LRBA: variants seen among roughly 807,000 people sequenced by gnomAD.
LRBA encodes the protein LPS responsive beige-like anchor protein, also known as lipopolysaccharide-responsive and beige-like anchor protein.
A neutral mutation model predicts 330.0 loss-of-function variants in LRBA; 176 were observed. That is an observed-to-expected ratio of 0.53 (90% CI 0.47 to 0.60). The LOEUF (loss-of-function observed/expected upper bound fraction) is 0.60, where lower values mean the gene tolerates loss of function less well. Among genes scored for constraint, LRBA ranks in the 20% least tolerant of loss-of-function variants. The pLI, the probability that LRBA is intolerant of heterozygous loss-of-function variation, is 0.00. For missense variants in LRBA, 3,259 were observed against 3,444.8 expected, an observed-to-expected ratio of 0.95 and a Z score of 1.35; for synonymous variants, 1,230 against 1,193.0, an observed-to-expected ratio of 1.03 and a Z score of -0.64.
rs57854219 is a variant in LRBA at position 150,862,989 on chromosome 4, G to GACACAC, written c.2766+4676_2766+4681dup. Reference sequence around the variant, plus strand: ...GCAAGACTCTGTCTCATTTAAAAAAGACACACACACACACACACACACATT... The same window carrying GACACAC: ...GCAAGACTCTGTCTCATTTAAAAAAGACACACACACACACACACACACACACACATT... On this transcript the variant is annotated intron_variant, in intron 22 of 56. Transcript: ENST00000651943. Among the ~76,000 whole-genome samples the GACACAC allele has an allele frequency of 1.2e-3, 181 of 148,734 alleles. 1 individual carries two copies. The highest frequency in any genetic ancestry group is 7.0e-3 in the Middle Eastern group (2 of 286).
At chr4:150,396,511 T>G (rs995567613) in intron 47 of LRBA, among the ~76,000 whole-genome samples, 18 of 92,586 alleles carry the variant, frequency 1.9e-4, no homozygotes, top group African/African-American at 6.0e-4. Flanking sequence ...CACACACACG[T>G]ACTCCCAGAA....
In LRBA at chr4:150,588,480, T is replaced by C. The variant is rs150127437; in HGVS notation, c.6194-296A>G. Reference sequence around the variant, plus strand: ...CTAATCTCTAGGTAAGAAGTGGCTCTGCCTAAATAAGTCCATCCACATTCC... The same window carrying C: ...CTAATCTCTAGGTAAGAAGTGGCTCCGCCTAAATAAGTCCATCCACATTCC... On this transcript the variant is annotated intron_variant, in intron 39 of 56. Coordinates refer to ENST00000651943, the MANE Select transcript of LRBA (RefSeq NM_001364905.1). 7.2e-4 allele frequency among the ~76,000 whole-genome samples: 110 copies of C among 152,326 alleles called. 2 individuals are homozygous for C. In the East Asian group the frequency reaches 0.021, roughly 29 times the overall value.
At position 150,916,653 on chromosome 4, in the gene LRBA, T is replaced by G; in HGVS notation, c.731A>C (p.Asn244Thr). 6.2e-7 allele frequency: 1 copy of G among 1,600,866 alleles called. No homozygotes were observed. Among genetic ancestry groups the G allele is most frequent in the Non-Finnish European group, 8.5e-7 (1 of 1,174,586 alleles). The part of the protein sequence containing the change: ...HTWLRMDPVN[N>T]INVDKDKPYL... ...TGGTTTATCCTTATCTACATTGATG[T>G]TATTTACAGGATCCATTCTAAGCCA... Residue 244 changes from asparagine (N) to threonine (T), a missense_variant, in exon 6 of 57, where the codon AAC becomes ACC. Physicochemically the swap from Asn to Thr is moderately conservative, Grantham distance 65. Coordinates refer to ENST00000651943, the MANE Select transcript of LRBA (RefSeq NM_001364905.1).
intron 35 of LRBA, among the ~76,000 whole-genome samples, chr4:150,739,265 T>G (rs1392178642): frequency 6.6e-6 from 1 of 152,154 alleles, no homozygotes; most frequent in East Asian, 1.9e-4. Context: ...CTATAGAATA[T>G]TTTTTAACCT....
chr4:150,264,993 A>G lies in LRBA; in HGVS notation c.*729T>C, dbSNP rs1745123756. On this transcript the variant is annotated 3_prime_UTR_variant, in exon 57 of 57. Coordinates refer to ENST00000651943, the MANE Select transcript of LRBA (RefSeq NM_001364905.1). ...GAGCTTTGGTACTTGCATTTACTTTAAAAGAAAAACAAATGTTGTGAGCTC... is the reference window on the plus strand; with the variant it reads ...GAGCTTTGGTACTTGCATTTACTTTGAAAGAAAAACAAATGTTGTGAGCTC... 6.5e-6 allele frequency: 1 copy of G among 152,680 alleles called. No individual in the cohort carries two copies. Among genetic ancestry groups the G allele is most frequent in the Non-Finnish European group, 1.5e-5 (1 of 68,052 alleles). The allele number at this position is 152,680 out of a possible 1,614,324, so 9.5% of individuals were successfully genotyped here. A position where few individuals can be genotyped will look rare whatever the true frequency, so the allele number is the denominator to read the frequency against.
chr4:150,364,571 T>A (rs1739171360), intron 47 of LRBA, among the ~76,000 whole-genome samples: 1 of 152,340 alleles, frequency 6.6e-6, no homozygotes, highest in Middle Eastern at 3.4e-3. Context: ...TTACTTTTCA[T>A]TGGTTTCACA....
Position 150,375,323 on chromosome 4 carries a change from G to C in LRBA, c.7195-25164C>G, listed in dbSNP as rs1000976309. Among the ~76,000 whole-genome samples, 3 of 152,100 alleles carry C rather than the reference G, an allele frequency of 2.0e-5. No individual in the cohort carries two copies. The South Asian group carries it at 6.2e-4, about 32-fold the overall frequency. ...AGAAGGGAGTTGTGGGTAATGACCT[G>C]GGGGGTAATGCTGGAGGATAATCAG... is the stretch of plus-strand genomic sequence containing the variant. On this transcript the variant is annotated intron_variant, in intron 47 of 56. Coordinates refer to ENST00000651943, the MANE Select transcript of LRBA (RefSeq NM_001364905.1).
rs141634491 is a variant in LRBA at position 150,818,444 on chromosome 4, C to T, written c.5172-1187G>A. The stretch of plus-strand genomic sequence containing the variant: ...AAAATAGAAGCAACAGCCACCTGAG[C>T]CCCCAATCCAAAATGGTGTGCTTAA... On this transcript the variant is annotated intron_variant, in intron 30 of 56. Coordinates refer to ENST00000651943, the MANE Select transcript of LRBA (RefSeq NM_001364905.1). Among the ~76,000 whole-genome samples the T allele has an allele frequency of 6.9e-4, 105 of 151,932 alleles. 2 individuals carry two copies. The East Asian group carries it at 0.02, about 29-fold the overall frequency.
Position 150,880,646 on chromosome 4 carries a change from T to C in LRBA, c.2166-7891A>G, listed in dbSNP as rs193150492. 1.6e-3 allele frequency among the ~76,000 whole-genome samples: 247 copies of C among 152,052 alleles called. 1 individual carries two copies. The highest frequency in any genetic ancestry group is 3.0e-3 in the Non-Finnish European group (202 of 68,020). ...TCTGGACATCAGCCTTGGGAAAGAA[T>C]TTATCACTAAGTCCTCAAAAGCAAT... On this transcript the variant is annotated intron_variant, in intron 17 of 56. Coordinates refer to ENST00000651943, the MANE Select transcript of LRBA (RefSeq NM_001364905.1).
chr4:150,668,306 T>G (rs75230648), intron 37 of LRBA, among the ~76,000 whole-genome samples: 18,629 of 152,192 alleles, frequency 0.12, 1,370 homozygotes, highest in Admixed American at 0.19. Flanking sequence ...TAGGCTGACT[T>G]AAGACAATAC....
chr4:150,610,046 ATTGT>A (rs1194896542), intron 37 of LRBA, among the ~76,000 whole-genome samples: 10 of 152,238 alleles, frequency 6.6e-5, no homozygotes, highest in South Asian at 2.1e-4. Flanking sequence ...TTTTCACCTG[ATTGT>A]TTGTTTTTTT....
chr4:150,970,703 C>A (rs1257915243), intron 2 of LRBA: 1 of 151,944 alleles, frequency 6.6e-6, no homozygotes, highest in Non-Finnish European at 1.5e-5. Context: ...CAAGGTATGC[C>A]TGTACTAATC....
At chr4:150,452,330 C>A (rs900942974) in intron 44 of LRBA, among the ~76,000 whole-genome samples, 1 of 152,010 alleles carries the variant, frequency 6.6e-6, no homozygotes, top group Admixed American at 6.6e-5. Context: ...AAAGTCAATA[C>A]CCAATTATGA....
intron 20 of LRBA, among the ~76,000 whole-genome samples, chr4:150,869,326 C>T (rs141676855): frequency 1.9e-4 from 29 of 152,274 alleles, no homozygotes; most frequent in African/African-American, 6.7e-4. Flanking sequence ...CATCCCATCT[C>T]CCCAGAAAAT....
chr4:150,392,987 G>C (rs1190051345), intron 47 of LRBA, among the ~76,000 whole-genome samples: 1 of 151,254 alleles, frequency 6.6e-6, no homozygotes, highest in Non-Finnish European at 1.5e-5. Context: ...TGCATGTTCC[G>C]TACATGTATC....
At chr4:150,519,226 G>C (rs1408962351) in intron 40 of LRBA, among the ~76,000 whole-genome samples, 2 of 151,778 alleles carry the variant, frequency 1.3e-5, no homozygotes, top group African/African-American at 2.4e-5. Flanking sequence ...ATTTTATTAA[G>C]GTATAGAAAA....
chr4:150,882,588 G>T (rs1728519369), intron 17 of LRBA, among the ~76,000 whole-genome samples: 1 of 152,110 alleles, frequency 6.6e-6, no homozygotes, highest in African/African-American at 2.4e-5. Flanking sequence ...CATGTTTAAA[G>T]AAATAGATAT....
chr4:150,434,860 GAA>G (rs113555857), intron 46 of LRBA, among the ~76,000 whole-genome samples: 1 of 134,924 alleles, frequency 7.4e-6, no homozygotes. Flanking sequence ...CTTGTTTCAA[GAA>G]AAAAAAAAAA....
At chr4:150,408,344 T>TA (rs1238806262) in intron 47 of LRBA, among the ~76,000 whole-genome samples, 2 of 151,796 alleles carry the variant, frequency 1.3e-5, no homozygotes, top group Admixed American at 6.6e-5. Context: ...AGAAAAAATT[T>TA]AAAAAAAATC....
Sources: allele counts gnomAD v4.1 joint callset (sites outside exome capture counted in the v4.1 genomes callset), GRCh38; gene constraint gnomAD v4.1.1; transcripts MANE v1.5; gene names NCBI Gene and HGNC (gene_info 2026-07-23, HGNC 2026-07-21).